Variants in ZNF578 observed in about 807,000 individuals in gnomAD.
The protein encoded by ZNF578 is zinc finger protein 578.
Under a neutral mutation model 8.3 loss-of-function variants are expected in ZNF578, and 8 were observed. That is an observed-to-expected ratio of 0.96 (90% confidence interval 0.56 to 1.74). The LOEUF is 1.74. ZNF578 is among the 40% of genes most tolerant of loss of function. The pLI, the probability that ZNF578 is intolerant of heterozygous loss-of-function variation, is 0.00. For missense variants in ZNF578, 726 were observed against 707.5 expected, an observed-to-expected ratio of 1.03 and a Z score of -0.30; for synonymous variants, 206 against 232.2, an observed-to-expected ratio of 0.89 and a Z score of 1.03.
At chr19:52,486,727 A>G (rs11665955) in intron 2 of ZNF578, among the ~76,000 whole-genome samples, 25,878 of 151,114 alleles carry the variant, frequency 0.17, 2,551 homozygotes, top group East Asian at 0.38. Flanking sequence ...ACGGGAGTGT[A>G]TCAGGGAAGA....
At position 52,512,815 on chromosome 19, in the gene ZNF578, T is replaced by C. The variant is rs1186664085; in HGVS notation, c.*661T>C. On this transcript the variant is annotated 3_prime_UTR_variant, in exon 6 of 6. Coordinates refer to ENST00000421239, the MANE Select transcript of ZNF578 (RefSeq NM_001099694.2). ...AAGCATTAATTGACATTGGAGTCAA[T>C]TCAGCATTGACTTGAGTTTGTGTTG... Among the ~76,000 whole-genome samples, 1 of 152,214 alleles carries C rather than the reference T, an allele frequency of 6.6e-6. No individual in the cohort carries two copies. Among genetic ancestry groups the C allele is most frequent in the Admixed American group, 6.5e-5 (1 of 15,286 alleles).
At position 52,515,549 on chromosome 19, in the gene ZNF578, C is replaced by A. The variant is rs1318394924; in HGVS notation, c.*3395C>A. On this transcript the variant is annotated 3_prime_UTR_variant, in exon 6 of 6. Transcript: ENST00000421239. ...AGCCCTTCCAGGACCCCATGTAAGA[C>A]TTTAGACACCTTCTCACTCATCTCA... Among the ~76,000 whole-genome samples the A allele has an allele frequency of 1.3e-5, 2 of 152,104 alleles. No homozygotes were observed. Among genetic ancestry groups the A allele is most frequent in the East Asian group, 3.9e-4 (2 of 5,170 alleles).
At position 52,509,515 on chromosome 19, in the gene ZNF578, G is replaced by A. The variant is rs188766884; in HGVS notation, c.191-1057G>A. On this transcript the variant is annotated intron_variant, in intron 5 of 5. Transcript: ENST00000421239. Reference sequence around the variant, plus strand: ...GTTAATGTCAAAAGTGCCACCAGGTGCAGTGGCTCACACCGGCAATCCCAG... The same window carrying A: ...GTTAATGTCAAAAGTGCCACCAGGTACAGTGGCTCACACCGGCAATCCCAG... 4.3e-4 allele frequency among the ~76,000 whole-genome samples: 65 copies of A among 152,324 alleles called. No homozygotes were observed. In the Middle Eastern group the frequency reaches 0.01, roughly 24 times the overall value.
chr19:52,505,689 G>A (rs1260528394), intron 5 of ZNF578, among the ~76,000 whole-genome samples: 4 of 152,140 alleles, frequency 2.6e-5, no homozygotes, highest in Non-Finnish European at 5.9e-5. Context: ...CTCCCAAAGT[G>A]CTGGGATTAC....
intron 2 of ZNF578, among the ~76,000 whole-genome samples, chr19:52,479,483 G>C (rs1673906): frequency 0.099 from 14,832 of 149,888 alleles, 1,250 homozygotes; most frequent in East Asian, 0.33. Context: ...TGCAGTGAGC[G>C]GAGATTGTGC....
intron 5 of ZNF578, among the ~76,000 whole-genome samples, chr19:52,507,337 A>T (rs1404461868): frequency 6.6e-6 from 1 of 152,144 alleles, no homozygotes; most frequent in Non-Finnish European, 1.5e-5. Flanking sequence ...GCAGTGAGCC[A>T]TGATCACGCC....
intron 3 of ZNF578, among the ~76,000 whole-genome samples, chr19:52,497,846 A>G (rs2059392309): frequency 1.3e-5 from 2 of 152,130 alleles, no homozygotes; most frequent in African/African-American, 4.8e-5. Flanking sequence ...GTGAGCTTCT[A>G]AGTAAGTGTC....
chr19:52,495,339 G>C (rs529933164), intron 3 of ZNF578, among the ~76,000 whole-genome samples: 1 of 145,514 alleles, frequency 6.9e-6, no homozygotes, highest in East Asian at 1.9e-4. Context: ...GCTAATTTTG[G>C]ATTAGGAGGC....
chr19:52,463,113 G>A (rs543733293), intron 2 of ZNF578, among the ~76,000 whole-genome samples: 2 of 152,246 alleles, frequency 1.3e-5, no homozygotes, highest in South Asian at 2.1e-4. Flanking sequence ...TTTAAGGTTC[G>A]ATTGGCTCGC....
chr19:52,471,798 G>T (rs966671347), intron 2 of ZNF578, among the ~76,000 whole-genome samples: 1 of 151,876 alleles, frequency 6.6e-6, no homozygotes, highest in African/African-American at 2.4e-5. Flanking sequence ...CAGTACAGTG[G>T]GCAAAAGTTA....
chr19:52,498,542 A>G (rs1310848716), intron 3 of ZNF578, among the ~76,000 whole-genome samples: 2 of 152,040 alleles, frequency 1.3e-5, no homozygotes, highest in Non-Finnish European at 2.9e-5. Flanking sequence ...CGTGTTAGCC[A>G]GAATGGTAAT....
At chr19:52,493,309 A>G (rs1279325330) in intron 3 of ZNF578, among the ~76,000 whole-genome samples, 7 of 151,804 alleles carry the variant, frequency 4.6e-5, no homozygotes, top group Non-Finnish European at 1.0e-4. Context: ...GTCGCCCCCT[A>G]CGTCCCTCCT....
At position 52,514,379 on chromosome 19, in the gene ZNF578, G is replaced by A. The variant is rs1270507831; in HGVS notation, c.*2225G>A. The stretch of plus-strand genomic sequence containing the variant: ...ATCCAGTTCAGATCGAGGTCTGCAT[G>A]CTTTCTAGTCTTTGTTATTTATTGG... On this transcript the variant is annotated 3_prime_UTR_variant, in exon 6 of 6. Transcript: ENST00000421239. 6.6e-6 allele frequency among the ~76,000 whole-genome samples: 1 copy of A among 152,148 alleles called. No individual in the cohort carries two copies. Among genetic ancestry groups the A allele is most frequent in the African/African-American group, 2.4e-5 (1 of 41,452 alleles).
In ZNF578 at chr19:52,467,631, AAAAG is replaced by A. The variant is rs762408713; in HGVS notation, c.-122+10685_-122+10688del. ...GACCCCAGCTCTTAAAAAAGAAAAAAAAAGAAAGAAAGAAAACAAACTACAAAAT... is the reference window on the plus strand; with the variant it reads ...GACCCCAGCTCTTAAAAAAGAAAAAAAAAGAAAGAAAACAAACTACAAAAT... On this transcript the variant is annotated intron_variant, in intron 2 of 5. Coordinates refer to ENST00000421239, the MANE Select transcript of ZNF578 (RefSeq NM_001099694.2). 9.3e-4 allele frequency among the ~76,000 whole-genome samples: 142 copies of A among 152,108 alleles called. 1 individual carries two copies. Among genetic ancestry groups the A allele is most frequent in the Non-Finnish European group, 1.2e-3 (81 of 67,980 alleles).
At chr19:52,492,741 G>A (rs78870632) in intron 3 of ZNF578, 6,193 of 152,186 alleles carry the variant, frequency 0.041, 129 homozygotes, top group Middle Eastern at 0.11. Context: ...TCCGCCTCGC[G>A]CTCCGACCCT....
At chr19:52,477,270 G>A (rs977374011) in intron 2 of ZNF578, among the ~76,000 whole-genome samples, 2 of 152,192 alleles carry the variant, frequency 1.3e-5, no homozygotes, top group Admixed American at 6.5e-5. Flanking sequence ...ACTTCCTGGT[G>A]TTCCTGGGGT....
intron 2 of ZNF578, among the ~76,000 whole-genome samples, chr19:52,462,347 CATGGACACATTT>C (rs1420937198): frequency 6.6e-6 from 1 of 152,096 alleles, no homozygotes; most frequent in African/African-American, 2.4e-5. Context: ...ACTGATAACC[CATGGACACATTT>C]ATTAACATTC....
At chr19:52,498,109 G>T (rs985164692) in intron 3 of ZNF578, among the ~76,000 whole-genome samples, 2 of 152,124 alleles carry the variant, frequency 1.3e-5, no homozygotes, top group Non-Finnish European at 2.9e-5. Flanking sequence ...CTTACAACTC[G>T]AAAGAAGTTT....
chr19:52,471,303 C>T (rs1170400353), intron 2 of ZNF578, among the ~76,000 whole-genome samples: 6 of 152,108 alleles, frequency 3.9e-5, no homozygotes, highest in Non-Finnish European at 8.8e-5. Context: ...TTTAACTGAG[C>T]GACTACCAGC....
Sources: allele counts gnomAD v4.1 joint callset (sites outside exome capture counted in the v4.1 genomes callset), GRCh38; gene constraint gnomAD v4.1.1; transcripts MANE v1.5; gene names NCBI Gene and HGNC (gene_info 2026-07-23, HGNC 2026-07-21).